NELL1: variants seen among roughly 807,000 people sequenced by gnomAD.
NELL1 encodes protein kinase C-binding protein NELL1.
NELL1 carries 76 observed loss-of-function variants against 107.4 expected under a neutral mutation model. The ratio of observed to expected loss-of-function variants is 0.71; its 90% confidence interval spans 0.59 to 0.86. The LOEUF is 0.86. Among genes scored for constraint, NELL1 ranks in the 40% least tolerant of loss-of-function variants. NELL1 has a pLI of 0.00. For missense variants in NELL1, 1,024 were observed against 1,005.5 expected (o/e 1.02, Z -0.25); for synonymous variants, 353 against 341.2 (o/e 1.03, Z -0.38).
chr11:20,860,872 G>A (rs1192460826), intron 4 of NELL1, among the ~76,000 whole-genome samples: 1 of 152,188 alleles, frequency 6.6e-6, no homozygotes, highest in African/African-American at 2.4e-5. Context: ...ACTGATCACA[G>A]GTGGGGTGAA....
intron 3 of NELL1, among the ~76,000 whole-genome samples, chr11:20,802,244 T>C: frequency 6.6e-6 from 1 of 152,188 alleles, no homozygotes; most frequent in East Asian, 1.9e-4. Flanking sequence ...TTTGTGTGTG[T>C]TTGTCCTCTT....
intron 3 of NELL1, among the ~76,000 whole-genome samples, chr11:20,806,664 T>C (rs1204157484): frequency 6.6e-6 from 1 of 152,206 alleles, no homozygotes; most frequent in Non-Finnish European, 1.5e-5. Flanking sequence ...TTAAGGCCAA[T>C]AACTCATAGA....
rs186894056 is a variant in NELL1 at position 21,368,593 on chromosome 11, T to C, written c.1550-2260T>C. On this transcript the variant is annotated intron_variant, in intron 14 of 19. Coordinates refer to ENST00000357134, the MANE Select transcript of NELL1 (RefSeq NM_006157.5). ...TTCAGAGCCTCCAGTTCACCATTTC[T>C]GTAATAAGAACAATATACCTATCAG... is the stretch of plus-strand genomic sequence containing the variant. 7.2e-4 allele frequency among the ~76,000 whole-genome samples: 109 copies of C among 152,096 alleles called. 1 individual carries two copies. Among genetic ancestry groups the C allele is most frequent in the African/African-American group, 2.4e-3 (99 of 41,530 alleles).
chr11:20,691,793 C>T (rs1163073045), intron 2 of NELL1, among the ~76,000 whole-genome samples: 1 of 151,960 alleles, frequency 6.6e-6, no homozygotes, highest in African/African-American at 2.4e-5. Context: ...ATGATGCTGG[C>T]CTCATAAAAC....
At position 21,494,007 on chromosome 11, in the gene NELL1, G is replaced by T. The variant is rs74798661; in HGVS notation, c.1646-40367G>T. Among the ~76,000 whole-genome samples the T allele has an allele frequency of 4.5e-3, 688 of 151,664 alleles. 4 individuals are homozygous for T. The highest frequency in any genetic ancestry group is 0.016 in the African/African-American group (664 of 41,408). On this transcript the variant is annotated intron_variant, in intron 15 of 19. Transcript: ENST00000357134. ...AAACAACACCCCAATAATCATTATT[G>T]TACATATATTTTTCATAACCAGTGT...
intron 5 of NELL1, among the ~76,000 whole-genome samples, chr11:20,912,716 T>G (rs1850158748): frequency 6.6e-6 from 1 of 152,116 alleles, no homozygotes; most frequent in Non-Finnish European, 1.5e-5. Context: ...ACAGCTGAGG[T>G]GTCACTGGGA....
chr11:20,925,911 T>A, intron 7 of NELL1, among the ~76,000 whole-genome samples: 1 of 152,140 alleles, frequency 6.6e-6, no homozygotes, highest in East Asian at 1.9e-4. Flanking sequence ...GAGGAAGGTG[T>A]ATGAAATGGA....
At chr11:21,522,937 C>T (rs1855766138) in intron 15 of NELL1, among the ~76,000 whole-genome samples, 2 of 149,836 alleles carry the variant, frequency 1.3e-5, no homozygotes, top group East Asian at 2.0e-4. Context: ...CTCTGCCTCC[C>T]GGGTTCACGC....
intron 2 of NELL1, among the ~76,000 whole-genome samples, chr11:20,724,963 A>G (rs770104304): frequency 3.9e-5 from 6 of 152,192 alleles, no homozygotes; most frequent in Non-Finnish European, 7.3e-5. Context: ...AGGGGAAGCA[A>G]GGCACGTCTT....
At chr11:21,221,114 C>CT (rs1857746187) in intron 13 of NELL1, among the ~76,000 whole-genome samples, 1 of 152,108 alleles carries the variant, frequency 6.6e-6, no homozygotes, top group Non-Finnish European at 1.5e-5. Context: ...TTCTCTGCAT[C>CT]TATTGAGATG....
intron 12 of NELL1, among the ~76,000 whole-genome samples, chr11:21,055,660 A>G (rs1308169050): frequency 3.3e-5 from 5 of 152,030 alleles, no homozygotes; most frequent in African/African-American, 9.7e-5. Flanking sequence ...TTTTTGACTC[A>G]TCTCATACTG....
chr11:21,229,245 A>G (rs1857978190), intron 13 of NELL1, 87 bp from the exon 14 acceptor site: 1 of 1,487,250 alleles, frequency 6.7e-7, no homozygotes, highest in Non-Finnish European at 9.2e-7. Flanking sequence ...TGTCATTCTT[A>G]TTTGGTGAAT....
At chr11:21,113,803 G>A in intron 13 of NELL1, 89 bp downstream of exon 13, 2 of 1,360,742 alleles carry the variant, frequency 1.5e-6, no homozygotes, top group South Asian at 1.5e-5. Flanking sequence ...AGTGCACAAA[G>A]TACTATTTTT....
At chr11:21,213,211 T>C (rs1041599919) in intron 13 of NELL1, among the ~76,000 whole-genome samples, 2 of 151,828 alleles carry the variant, frequency 1.3e-5, no homozygotes, top group Admixed American at 6.6e-5. Flanking sequence ...AAAACACTAA[T>C]GGAAGGAATA....
chr11:21,322,823 C>T (rs753713824), intron 14 of NELL1, among the ~76,000 whole-genome samples: 4 of 152,058 alleles, frequency 2.6e-5, no homozygotes, highest in South Asian at 2.1e-4. Context: ...TGAGCAAATG[C>T]CCCATTGCCC....
At chr11:21,516,259 A>G (rs892037953) in intron 15 of NELL1, among the ~76,000 whole-genome samples, 1 of 152,146 alleles carries the variant, frequency 6.6e-6, no homozygotes, top group African/African-American at 2.4e-5. Context: ...GGTGACTAAA[A>G]CATAGTATCT....
chr11:21,009,072 TG>T (rs1374621192), intron 12 of NELL1, among the ~76,000 whole-genome samples: 1 of 152,138 alleles, frequency 6.6e-6, no homozygotes, highest in African/African-American at 2.4e-5. Flanking sequence ...TGTGTTTATT[TG>T]GTATGTGTGA....
chr11:21,496,234 A>G (rs1854973516), intron 15 of NELL1, among the ~76,000 whole-genome samples: 4 of 151,990 alleles, frequency 2.6e-5, no homozygotes, highest in African/African-American at 9.7e-5. Flanking sequence ...CAGTTACCAC[A>G]TATTATCATT....
At chr11:21,543,966 G>A (rs1326978117) in intron 16 of NELL1, among the ~76,000 whole-genome samples, 1 of 151,980 alleles carries the variant, frequency 6.6e-6, no homozygotes, top group Non-Finnish European at 1.5e-5. Flanking sequence ...CAGATGAGCA[G>A]TAGGGTCTGT....
Sources: gnomAD v4.1 joint callset for allele counts (sites outside exome capture counted in the v4.1 genomes callset) on GRCh38, gnomAD v4.1.1 for gene constraint, MANE v1.5 for transcripts, NCBI Gene and HGNC (gene_info 2026-07-23, HGNC 2026-07-21) for gene names.